Variants in NYAP2 observed in about 807,000 individuals in gnomAD.
NYAP2 encodes neuronal tyrosine-phosphorylated phosphoinositide-3-kinase adapter 2.
In NYAP2, 23 loss-of-function variants were observed where a neutral mutation model predicts 50.4. The observed-to-expected ratio is 0.46, with a 90% CI of 0.33 to 0.65. The LOEUF is 0.65. NYAP2 is among the 30% of genes least tolerant of loss of function. The pLI is 0.02. For missense variants in NYAP2, 885 were observed against 861.0 expected (o/e 1.03, Z -0.35); for synonymous variants, 394 against 365.2 (o/e 1.08, Z -0.90).
the NYAP2 span, among the ~76,000 whole-genome samples, chr2:225,659,402 T>G: frequency 0.037 from 5,697 of 152,330 alleles, 154 homozygotes; most frequent in Non-Finnish European, 0.059. Context: ...GTGCCAGGAC[T>G]GGGCTCGGAG....
At chr2:225,621,944 G>A (rs575046544) in intron 5 of NYAP2, among the ~76,000 whole-genome samples, 9 of 152,214 alleles carry the variant, frequency 5.9e-5, no homozygotes, top group South Asian at 4.1e-4. Flanking sequence ...CCCAGTCATC[G>A]ATGGACACTT....
intron 5 of NYAP2, among the ~76,000 whole-genome samples, chr2:225,596,833 A>T: frequency 6.6e-6 from 1 of 152,180 alleles, no homozygotes; most frequent in African/African-American, 2.4e-5. Flanking sequence ...AGCAAGTAAC[A>T]AGCAGCAAGA....
At chr2:225,680,478 T>G in the NYAP2 span, among the ~76,000 whole-genome samples, 1 of 152,190 alleles carries the variant, frequency 6.6e-6, no homozygotes, top group Non-Finnish European at 1.5e-5. Flanking sequence ...AGTTCTAGTG[T>G]TCAGTTTTCT....
intron 4 of NYAP2, among the ~76,000 whole-genome samples, chr2:225,568,692 A>C (rs1692005251): frequency 6.6e-6 from 1 of 152,232 alleles, no homozygotes; most frequent in South Asian, 2.1e-4. Flanking sequence ...GAAAAGGGAA[A>C]TACCTAAACT....
intron 3 of NYAP2, among the ~76,000 whole-genome samples, chr2:225,432,527 A>T (rs1216736714): frequency 1.3e-5 from 2 of 151,442 alleles, no homozygotes; most frequent in Admixed American, 6.6e-5. Context: ...ATGTAAATTT[A>T]TATTTAGATA....
chr2:225,466,280 T>C (rs1689916884), intron 3 of NYAP2, among the ~76,000 whole-genome samples: 1 of 152,218 alleles, frequency 6.6e-6, no homozygotes, highest in Admixed American at 6.5e-5. Context: ...TAAGGGACTT[T>C]GTTTGAATTC....
At chr2:225,596,161 A>G (rs1692592865) in intron 5 of NYAP2, among the ~76,000 whole-genome samples, 1 of 152,140 alleles carries the variant, frequency 6.6e-6, no homozygotes, top group Non-Finnish European at 1.5e-5. Flanking sequence ...CCTCCCAAGT[A>G]GCTGGGGCCA....
the NYAP2 span, among the ~76,000 whole-genome samples, chr2:225,677,776 C>T: frequency 6.6e-6 from 1 of 152,188 alleles, no homozygotes; most frequent in South Asian, 2.1e-4. Context: ...TCTTGATCAT[C>T]TTAAATTAAT....
intron 5 of NYAP2, among the ~76,000 whole-genome samples, chr2:225,624,183 AC>A (rs564967436): frequency 1.3e-5 from 2 of 152,192 alleles, no homozygotes; most frequent in African/African-American, 2.4e-5. Context: ...CTGAGCCTTT[AC>A]TTGTTCAGGG....
intron 3 of NYAP2, among the ~76,000 whole-genome samples, chr2:225,462,748 T>A (rs186410634): frequency 1.0e-3 from 153 of 152,262 alleles, no homozygotes; most frequent in Non-Finnish European, 1.7e-3. Flanking sequence ...TCTAGTCAGA[T>A]TGAAATATAA....
At chr2:225,409,165 G>T in intron 3 of NYAP2, 64 bp downstream of exon 3, 2 of 1,197,880 alleles carry the variant, frequency 1.7e-6, no homozygotes, top group Non-Finnish European at 2.4e-6. Context: ...GGCTGCTAAA[G>T]TTGTGATGTT....
chr2:225,629,645 G>A (rs1034019329), intron 6 of NYAP2, among the ~76,000 whole-genome samples: 1 of 152,108 alleles, frequency 6.6e-6, no homozygotes. Context: ...CATGAGGTTG[G>A]GGCTTCTGTG....
chr2:225,578,265 T>C (rs1034844255), intron 4 of NYAP2, among the ~76,000 whole-genome samples: 8 of 151,880 alleles, frequency 5.3e-5, no homozygotes, highest in African/African-American at 1.9e-4. Context: ...GGATCAATAA[T>C]AAGAAAAAGG....
intron 3 of NYAP2, among the ~76,000 whole-genome samples, chr2:225,472,395 T>C (rs1690025904): frequency 6.6e-6 from 1 of 152,218 alleles, no homozygotes; most frequent in African/African-American, 2.4e-5. Context: ...TCTGCTCCCA[T>C]AGCCCCACTG....
the NYAP2 span, among the ~76,000 whole-genome samples, chr2:225,691,701 C>T: frequency 3.3e-5 from 5 of 152,158 alleles, no homozygotes; most frequent in South Asian, 4.2e-4. Flanking sequence ...AGGTGACTCG[C>T]GGCCTCCCAT....
chr2:225,433,920 G>T (rs978423577), intron 3 of NYAP2, among the ~76,000 whole-genome samples: 16 of 151,590 alleles, frequency 1.1e-4, no homozygotes, highest in Admixed American at 4.6e-4. Context: ...TCAGTATTTA[G>T]GGGATGTAAA....
intron 3 of NYAP2, among the ~76,000 whole-genome samples, chr2:225,425,336 T>C (rs1039750628): frequency 3.3e-5 from 5 of 152,204 alleles, no homozygotes; most frequent in African/African-American, 7.2e-5. Context: ...GTGTTTGATC[T>C]ATTGATGTTT....
At chr2:225,614,135 G>C (rs1360177323) in intron 5 of NYAP2, among the ~76,000 whole-genome samples, 1 of 152,110 alleles carries the variant, frequency 6.6e-6, no homozygotes, top group East Asian at 1.9e-4. Flanking sequence ...GAACTGAGCT[G>C]AGAATGAACT....
intron 3 of NYAP2, among the ~76,000 whole-genome samples, chr2:225,433,260 G>A (rs1372695542): frequency 6.6e-6 from 1 of 151,910 alleles, no homozygotes; most frequent in Non-Finnish European, 1.5e-5. Context: ...GCTAAGACAG[G>A]AGGATCACTT....
Sources: gnomAD v4.1 joint callset for allele counts (sites outside exome capture counted in the v4.1 genomes callset) on GRCh38, gnomAD v4.1.1 for gene constraint, MANE v1.5 for transcripts, NCBI Gene and HGNC (gene_info 2026-07-23, HGNC 2026-07-21) for gene names.